CADPS2: variants seen among roughly 807,000 people sequenced by gnomAD.
CADPS2 encodes calcium dependent secretion activator 2, also known as calcium-dependent secretion activator 2.
In CADPS2, 93 loss-of-function variants were observed where a neutral mutation model predicts 172.5. The observed-to-expected ratio is 0.54, with a 90% CI of 0.46 to 0.64. CADPS2 has a LOEUF of 0.64. CADPS2 is among the 30% of genes least tolerant of loss of function. CADPS2 has a pLI of 0.00. For synonymous variants in CADPS2, 546 were observed against 555.2 expected (o/e 0.98, Z 0.23); for missense variants, 1,420 against 1,565.9 (o/e 0.91, Z 1.57).
chr7:122,372,182 G>C (rs1210433031), intron 25 of CADPS2, among the ~76,000 whole-genome samples: 1 of 152,178 alleles, frequency 6.6e-6, no homozygotes, highest in Admixed American at 6.5e-5. Flanking sequence ...AGCTAGTGGA[G>C]GAGTTGAAAT....
At chr7:122,751,064 T>C (rs961997086) in intron 1 of CADPS2, among the ~76,000 whole-genome samples, 3 of 152,198 alleles carry the variant, frequency 2.0e-5, no homozygotes, top group Non-Finnish European at 4.4e-5. Context: ...AGGCTTTCAC[T>C]CATGACAAAG....
intron 14 of CADPS2, among the ~76,000 whole-genome samples, chr7:122,458,001 G>C (rs1192237988): frequency 1.3e-5 from 2 of 152,168 alleles, no homozygotes; most frequent in Non-Finnish European, 2.9e-5. Context: ...AAATCTGGTG[G>C]TTTGTTGTAA....
At chr7:122,623,172 C>G (rs2075765704) in intron 4 of CADPS2, among the ~76,000 whole-genome samples, 1 of 127,816 alleles carries the variant, frequency 7.8e-6, no homozygotes, top group South Asian at 2.5e-4. Flanking sequence ...TCCAAAACAG[C>G]AAATTTGTAT....
intron 2 of CADPS2, among the ~76,000 whole-genome samples, chr7:122,722,203 A>G (rs970852428): frequency 3.9e-5 from 6 of 152,112 alleles, no homozygotes; most frequent in African/African-American, 1.4e-4. Context: ...GCAATCAGGC[A>G]GGAGAAAGAA....
chr7:122,751,947 A>T (rs564067533), intron 1 of CADPS2, among the ~76,000 whole-genome samples: 42 of 152,272 alleles, frequency 2.8e-4, no homozygotes, highest in African/African-American at 7.7e-4. Flanking sequence ...TAGCATTTAG[A>T]AGCATTATCC....
chr7:122,508,446 TAA>T (rs1563544872), intron 9 of CADPS2, among the ~76,000 whole-genome samples: 4 of 144,310 alleles, frequency 2.8e-5, no homozygotes, highest in East Asian at 2.0e-4. Context: ...TTTATTCATT[TAA>T]GTTTTTTTTT....
At chr7:122,525,181 G>T (rs959295545) in intron 8 of CADPS2, among the ~76,000 whole-genome samples, 1 of 151,966 alleles carries the variant, frequency 6.6e-6, no homozygotes, top group Admixed American at 6.6e-5. Context: ...TTAAAATTTT[G>T]ATCATAATCT....
chr7:122,797,067 A>C (rs1013115660), intron 1 of CADPS2, among the ~76,000 whole-genome samples: 9 of 152,232 alleles, frequency 5.9e-5, no homozygotes, highest in Admixed American at 5.9e-4. Context: ...TTTTCAAAAG[A>C]AGATATACAT....
At chr7:122,743,462 T>C (rs1383837306) in intron 1 of CADPS2, among the ~76,000 whole-genome samples, 2 of 152,108 alleles carry the variant, frequency 1.3e-5, no homozygotes, top group Non-Finnish European at 2.9e-5. Context: ...GAGCCTGCCC[T>C]GACCTGCAGA....
At chr7:122,378,715 A>T (rs2042639575) in intron 25 of CADPS2, 1 of 152,072 alleles carries the variant, frequency 6.6e-6, no homozygotes, top group South Asian at 2.1e-4. Flanking sequence ...CTCTCTGTTC[A>T]TCCTCTTAAA....
intron 9 of CADPS2, among the ~76,000 whole-genome samples, chr7:122,508,846 G>A (rs1381006088): frequency 1.3e-5 from 2 of 152,240 alleles, no homozygotes; most frequent in South Asian, 4.1e-4. Context: ...TTTTGCAAAG[G>A]ATAGTAGAAT....
intron 1 of CADPS2, among the ~76,000 whole-genome samples, chr7:122,880,376 A>C (rs1355913632): frequency 6.6e-6 from 1 of 152,228 alleles, no homozygotes; most frequent in Non-Finnish European, 1.5e-5. Flanking sequence ...AAGTCTAAAT[A>C]AATATGCACT....
chr7:122,455,659 A>G (rs2152067676), intron 14 of CADPS2, among the ~76,000 whole-genome samples: 1 of 152,226 alleles, frequency 6.6e-6, no homozygotes, highest in East Asian at 1.9e-4. Flanking sequence ...ACAAATTATT[A>G]TTACTGCTTA....
chr7:122,579,241 T>C (rs2068471806), intron 7 of CADPS2, among the ~76,000 whole-genome samples: 1 of 151,914 alleles, frequency 6.6e-6, no homozygotes, highest in Non-Finnish European at 1.5e-5. Context: ...TTTAGCAATG[T>C]CTGGAGACAT....
At chr7:122,723,671 T>C (rs1433850887) in intron 2 of CADPS2, among the ~76,000 whole-genome samples, 3 of 152,148 alleles carry the variant, frequency 2.0e-5, no homozygotes, top group Admixed American at 6.6e-5. Flanking sequence ...AGTCATCCCA[T>C]TACTGGGTAT....
chr7:122,453,809 C>T (rs550101997), intron 14 of CADPS2, among the ~76,000 whole-genome samples: 1 of 152,148 alleles, frequency 6.6e-6, no homozygotes, highest in East Asian at 1.9e-4. Context: ...GCCAGGGGGT[C>T]AGGTGATGAC....
intron 13 of CADPS2, among the ~76,000 whole-genome samples, 191 bp downstream of exon 13, chr7:122,474,190 A>C (rs961912418): frequency 6.6e-6 from 1 of 152,130 alleles, no homozygotes; most frequent in African/African-American, 2.4e-5. Context: ...CAAGTGTATA[A>C]TTTTCAAATT....
intron 1 of CADPS2, among the ~76,000 whole-genome samples, chr7:122,817,029 C>G (rs1194855277): frequency 6.6e-6 from 1 of 151,014 alleles, no homozygotes; most frequent in Non-Finnish European, 1.5e-5. Context: ...TTTTCCTTTA[C>G]CTACTCAAAT....
At chr7:122,672,478 T>C (rs555223082) in intron 2 of CADPS2, among the ~76,000 whole-genome samples, 11 of 152,298 alleles carry the variant, frequency 7.2e-5, no homozygotes, top group African/African-American at 2.6e-4. Flanking sequence ...CTTCCTGTAT[T>C]AACTCCTTTA....
Sources: gnomAD v4.1 joint callset for allele counts (sites outside exome capture counted in the v4.1 genomes callset) on GRCh38, gnomAD v4.1.1 for gene constraint, MANE v1.5 for transcripts, NCBI Gene and HGNC (gene_info 2026-07-23, HGNC 2026-07-21) for gene names.